MYH4: variants seen among roughly 807,000 people sequenced by gnomAD.
MYH4 encodes myosin heavy chain 4.
MYH4 carries 200 observed loss-of-function variants against 229.9 expected under a neutral mutation model. The ratio of observed to expected loss-of-function variants is 0.87; its 90% CI spans 0.78 to 0.98. The LOEUF (loss-of-function observed/expected upper bound fraction) is 0.98. Ranked by LOEUF, MYH4 falls within the 50% of genes least tolerant of loss-of-function variation. The pLI is 0.00. For synonymous variants in MYH4, 761 were observed against 834.6 expected (o/e 0.91, Z 1.52); for missense variants, 2,148 against 2,332.6 (o/e 0.92, Z 1.63).
intron 15 of MYH4, 32 bp downstream of exon 15, chr17:10,459,218 TC>T: frequency 6.2e-7 from 1 of 1,613,962 alleles, no homozygotes; most frequent in East Asian, 2.2e-5. Flanking sequence ...AATTTGGTTT[TC>T]ATGTTTTGAA....
At chr17:10,455,458 A>G (rs2072628584) in intron 19 of MYH4, among the ~76,000 whole-genome samples, 156 bp downstream of exon 19, 1 of 152,258 alleles carries the variant, frequency 6.6e-6, no homozygotes. Flanking sequence ...ATATGATGAA[A>G]AACTTATGAT....
chr17:10,450,454 T>C lies in MYH4; in HGVS notation c.4180A>G (p.Lys1394Glu). The C allele has an allele frequency of 6.2e-7, 1 of 1,613,996 alleles. No individual in the cohort carries two copies. The highest frequency in any genetic ancestry group is 8.5e-7 in the Non-Finnish European group (1 of 1,179,882). ...IQRTEELEEAKKKLAQRLQDA... is the reference protein window; with the variant it reads ...IQRTEELEEAEKKLAQRLQDA... ...CTCCCCTGCACTAAAAGCACATACT[T>C]GGCCTCCTCCAGCTCCTCTGTGCGC... The change falls in exon 30 of 40, where the codon AAG becomes GAG. Residue 1394 changes from lysine to glutamate, a missense_variant and splice_region_variant. Coordinates refer to ENST00000255381, the MANE Select transcript of MYH4 (RefSeq NM_017533.2).
intron 2 of MYH4, 127 bp from the exon 3 acceptor site, chr17:10,466,911 G>A: frequency 1.3e-6 from 1 of 744,280 alleles, no homozygotes; most frequent in East Asian, 2.7e-5. Context: ...GACCACTCCT[G>A]TATACTATGT....
rs776572896 is a variant in MYH4, at chr17:10,447,986, C to T, written c.4797G>A (p.Glu1599=). ...CAGCATCCAGTGTACTCTGCATTGA[C>T]TCCACAACTCTGAGATGGTTCCTCT... ...QLKRNHLRVV[E]SMQSTLDAEI... is the part of the protein sequence containing the mutation. The change falls in exon 34 of 40, where the codon GAG becomes GAA. Residue 1599 remains glutamate (E), a synonymous_variant. Coordinates refer to ENST00000255381, the MANE Select transcript of MYH4 (RefSeq NM_017533.2). 1.5e-5 allele frequency: 25 copies of T among 1,613,944 alleles called. No homozygotes were observed. The highest frequency in any genetic ancestry group is 2.1e-5 in the Non-Finnish European group (25 of 1,180,008).
intron 33 of MYH4, 22 bp downstream of exon 33, chr17:10,448,374 G>A: frequency 6.2e-7 from 1 of 1,603,998 alleles, no homozygotes; most frequent in Non-Finnish European, 8.5e-7. Flanking sequence ...ATAATGCAGA[G>A]CTAAGCAAAT....
At position 10,450,899 on chromosome 17, in the gene MYH4, T is replaced by C. The variant is rs1307865772; in HGVS notation, c.3866-4A>G. 1 of 1,602,558 alleles carries C rather than the reference T, an allele frequency of 6.2e-7. No homozygotes were observed. Among genetic ancestry groups the C allele is most frequent in the African/African-American group, 1.3e-5 (1 of 74,692 alleles). ...TCTAGCTGTCGTGAAAACTCACCTG[T>C]GGAAGACAAAACATCAATGATTTAG... On this transcript the variant is annotated splice_region_variant and splice_polypyrimidine_tract_variant and intron_variant, in intron 28 of 39. Coordinates refer to ENST00000255381, the MANE Select transcript of MYH4 (RefSeq NM_017533.2).
chr17:10,453,234 G>A lies in MYH4; in HGVS notation c.3029C>T (p.Thr1010Ile), dbSNP rs1230496999. 3.7e-6 allele frequency: 6 copies of A among 1,613,890 alleles called. No homozygotes were observed. In the South Asian group the frequency reaches 6.6e-5, roughly 18 times the overall value. ...CTCCTCCATCTGCAGGTCATCCAGG[G>A]TCTGCTGGTGGGCCTCCTGGAGAGC... ...KKALQEAHQQ[T>I]LDDLQMEEDK... Residue 1010 changes from threonine to isoleucine, a missense_variant, in exon 24 of 40, where the codon ACC becomes ATC. Physicochemically the swap from Thr to Ile is moderately conservative, Grantham distance 89 (BLOSUM62 -1). Coordinates refer to ENST00000255381, the MANE Select transcript of MYH4 (RefSeq NM_017533.2).
Position 10,452,024 on chromosome 17 carries a change from G to A in MYH4, c.3655C>T (p.Gln1219Ter), listed in dbSNP as rs549913706. 1.2e-6 allele frequency: 2 copies of A among 1,613,776 alleles called. No homozygotes were observed. The highest frequency in any genetic ancestry group is 2.7e-5 in the African/African-American group (2 of 74,992). ...EQIDSLQRVK[Q>*]KLEKEKSELK... ...TCACTCTTTTCCTTCTCCAGCTTCT[G>A]CTTGACCCGCTGAAGGCTGTCAATC... Residue 1219 changes from glutamine (Q) to a stop codon, truncating the protein, a stop_gained, in exon 27 of 40, where the codon CAG (glutamine) becomes TAG (stop). Coordinates refer to ENST00000255381, the MANE Select transcript of MYH4 (RefSeq NM_017533.2). LOFTEE classifies it high-confidence loss of function.
intron 22 of MYH4, among the ~76,000 whole-genome samples, 194 bp downstream of exon 22, chr17:10,454,361 T>C (rs2072613739): frequency 6.6e-6 from 1 of 152,262 alleles, no homozygotes. Context: ...TGCTCACTGA[T>C]GACCAAACTG....
At chr17:10,455,753 C>G (rs771017971) in intron 18 of MYH4, 22 bp from the exon 19 acceptor site, 1 of 1,614,108 alleles carries the variant, frequency 6.2e-7, no homozygotes. Flanking sequence ...AATCCACATG[C>G]CATACTTCGT....
chr17:10,461,772 C>T (rs915348888), intron 11 of MYH4, among the ~76,000 whole-genome samples: 2 of 152,018 alleles, frequency 1.3e-5, no homozygotes, highest in African/African-American at 2.4e-5. Flanking sequence ...TTTTAGTTGC[C>T]CACATAGGCT....
At position 10,453,725 on chromosome 17, in the gene MYH4, C is replaced by A. The variant is rs539644363; in HGVS notation, c.2852G>T (p.Cys951Phe). 24 of 1,614,086 alleles carry A rather than the reference C, an allele frequency of 1.5e-5. No homozygotes were observed. In the African/African-American group the frequency reaches 3.1e-4, roughly 21 times the overall value. The part of the protein sequence containing the change: ...TAKKRKLEDE[C>F]SELKKDIDDL... ...ATCAATGTCTTTCTTGAGCTCTGAACATTCATCCTCCAGTTTCCTCTTCTT... is the reference window on the plus strand; with the variant it reads ...ATCAATGTCTTTCTTGAGCTCTGAAAATTCATCCTCCAGTTTCCTCTTCTT... The change falls in exon 23 of 40, where the codon TGT becomes TTT. Residue 951 changes from cysteine to phenylalanine, a missense_variant. By Grantham distance (205) the Cys-to-Phe change is radical. Coordinates refer to ENST00000255381, the MANE Select transcript of MYH4 (RefSeq NM_017533.2).
rs925231591 is a variant in MYH4 at position 10,453,649 on chromosome 17, C to T, written c.2928G>A (p.Glu976=). ...AATGGATCATGATTTGTACCTTGTT[C>T]TCTGTGGCATGTTTCTCCTTCTCAA... ...AKVEKEKHAT[E]NKVKNLTEEM... The change falls in exon 23 of 40, where the codon GAG becomes GAA. Residue 976 remains glutamate (E), a synonymous_variant. Transcript: ENST00000255381. 7.4e-6 allele frequency: 12 copies of T among 1,613,916 alleles called. No individual in the cohort carries two copies. Among genetic ancestry groups the T allele is most frequent in the African/African-American group, 1.3e-5 (1 of 74,884 alleles).
Position 10,453,892 on chromosome 17 carries a change from G to A in MYH4, c.2692-7C>T. On this transcript the variant is annotated splice_polypyrimidine_tract_variant and splice_region_variant and intron_variant, in intron 22 of 39. Coordinates refer to ENST00000255381, the MANE Select transcript of MYH4 (RefSeq NM_017533.2). Reference sequence around the variant, plus strand: ...CAGCCAAGGCATCTGCTTCCTAAAGGGAGAAATTAAGCATTTTCATTTGTC... The same window carrying A: ...CAGCCAAGGCATCTGCTTCCTAAAGAGAGAAATTAAGCATTTTCATTTGTC... The A allele has an allele frequency of 1.9e-6, 3 of 1,613,330 alleles. No homozygotes were observed. The highest frequency in any genetic ancestry group is 2.5e-6 in the Non-Finnish European group (3 of 1,179,718).
Position 10,455,633 on chromosome 17 carries a change from A to G in MYH4, c.2155T>C (p.Tyr719His), listed in dbSNP as rs750960798. 3.1e-6 allele frequency: 5 copies of G among 1,613,946 alleles called. No homozygotes were observed. Among genetic ancestry groups the G allele is most frequent in the Non-Finnish European group, 4.2e-6 (5 of 1,179,926 alleles). The part of the protein sequence containing the change: ...CRKGFPSRIL[Y>H]ADFKQRYKVL... Reference sequence around the variant, plus strand: ...ACAAACCTCTGTTTGAAGTCTGCATAAAGGATTCTGCTTGGGAAGCCTTTC... The same window carrying G: ...ACAAACCTCTGTTTGAAGTCTGCATGAAGGATTCTGCTTGGGAAGCCTTTC... The change falls in exon 19 of 40, where the codon TAT becomes CAT. Residue 719 changes from tyrosine to histidine, a missense_variant. Tyr to His is a moderately conservative substitution (Grantham distance 83, BLOSUM62 2). Transcript: ENST00000255381.
intron 20 of MYH4, 32 bp from the exon 21 acceptor site, chr17:10,455,109 C>T: frequency 6.2e-7 from 1 of 1,613,992 alleles, no homozygotes; most frequent in South Asian, 1.1e-5. Context: ...TATGTTATTT[C>T]CACTTACAGG....
chr17:10,456,567 A>T lies in MYH4; in HGVS notation c.1898-12T>A. 6.2e-7 allele frequency: 1 copy of T among 1,612,334 alleles called. No homozygotes were observed. Among genetic ancestry groups the T allele is most frequent in the Non-Finnish European group, 8.5e-7 (1 of 1,178,496 alleles). Reference sequence around the variant, plus strand: ...TCCACCACCACCCTCTAAAAAACAAAATGGGAAAAATAAAGTTATTTGCAA... The same window carrying T: ...TCCACCACCACCCTCTAAAAAACAATATGGGAAAAATAAAGTTATTTGCAA... On this transcript the variant is annotated splice_polypyrimidine_tract_variant and intron_variant, in intron 16 of 39. Transcript: ENST00000255381.
intron 30 of MYH4, among the ~76,000 whole-genome samples, chr17:10,449,645 A>G (rs909529339): frequency 3.3e-5 from 5 of 152,172 alleles, no homozygotes; most frequent in Admixed American, 6.5e-5. Flanking sequence ...GCCCAGAGTG[A>G]TATGTTCAAG....
intron 35 of MYH4, among the ~76,000 whole-genome samples, chr17:10,446,052 A>AAG (rs2072509292): frequency 7.2e-6 from 1 of 139,272 alleles, no homozygotes; most frequent in South Asian, 2.2e-4. Context: ...AAAAAAAAAA[A>AAG]TAGTAGTCTT....
Sources: gnomAD v4.1 joint callset for allele counts (sites outside exome capture counted in the v4.1 genomes callset) on GRCh38, gnomAD v4.1.1 for gene constraint, MANE v1.5 for transcripts, NCBI Gene and HGNC (gene_info 2026-07-23, HGNC 2026-07-21) for gene names.